Variants in TMEM9 observed in about 807,000 individuals in gnomAD.
TMEM9 encodes the protein transmembrane protein 9, also known as proton-transporting V-type ATPase complex assembly regulator TMEM9.
TMEM9 carries 13 observed loss-of-function variants against 22.8 expected under a neutral mutation model. The ratio of observed to expected loss-of-function variants is 0.57; its 90% CI spans 0.37 to 0.91. The LOEUF is 0.91. Ranked by LOEUF, TMEM9 falls within the 40% of genes least tolerant of loss-of-function variation. TMEM9 has a pLI of 0.01. For missense variants in TMEM9, 182 were observed against 238.1 expected (o/e 0.76, Z 1.55); for synonymous variants, 88 against 93.0 (o/e 0.95, Z 0.31).
intron 1 of TMEM9, among the ~76,000 whole-genome samples, chr1:201,169,411 C>T (rs1413400452): frequency 6.6e-6 from 1 of 152,226 alleles, no homozygotes; most frequent in East Asian, 1.9e-4. Flanking sequence ...TGGTGATCCA[C>T]CCACTCTGCA....
At chr1:201,149,266 T>C (rs1665234617) in intron 2 of TMEM9, among the ~76,000 whole-genome samples, 1 of 152,188 alleles carries the variant, frequency 6.6e-6, no homozygotes, top group African/African-American at 2.4e-5. Flanking sequence ...ACTTGGTCAG[T>C]GTCTTTCAAA....
chr1:201,146,750 G>C lies in TMEM9; in HGVS notation c.257C>G (p.Thr86Ser), dbSNP rs1398419126. Residue 86 changes from threonine (T) to serine (S), a missense_variant, in exon 3 of 5, where the codon ACC (threonine) becomes AGC (serine). Physicochemically the swap from Thr to Ser is moderately conservative, Grantham distance 58. Coordinates refer to ENST00000367330, the MANE Select transcript of TMEM9 (RefSeq NM_001288565.2). Reference sequence around the variant, plus strand: ...AGACCCTGGCGTTACCTTGATGGTGGTGGTGCTGCGCTCCTCGTACCTGCA... The same window carrying C: ...AGACCCTGGCGTTACCTTGATGGTGCTGGTGCTGCGCTCCTCGTACCTGCA... Reference protein sequence around the residue: ...CECRYEERSTTTIKVIIVIYL... With the variant: ...CECRYEERSTSTIKVIIVIYL... 6.2e-7 allele frequency: 1 copy of C among 1,614,210 alleles called. No individual in the cohort carries two copies. The highest frequency in any genetic ancestry group is 1.7e-5 in the Admixed American group (1 of 60,038).
Position 201,134,985 on chromosome 1 carries a change from G to A in TMEM9, c.*678C>T, listed in dbSNP as rs1663840827. 1 of 152,792 alleles carries A rather than the reference G, an allele frequency of 6.5e-6. No homozygotes were observed. The highest frequency in any genetic ancestry group is 1.5e-5 in the Non-Finnish European group (1 of 68,096). The allele number at this position is 152,792 out of a possible 1,614,324, so 9.5% of individuals were successfully genotyped here. On this transcript the variant is annotated 3_prime_UTR_variant, in exon 5 of 5. Coordinates refer to ENST00000367330, the MANE Select transcript of TMEM9 (RefSeq NM_001288565.2). ...TCAGTGACTGTGGACACTGGGGAGA[G>A]GAGGGACTGCCCAGACCCCTCAAGT... is the stretch of plus-strand genomic sequence containing the variant.
upstream of TMEM9, chr1:201,154,537 C>T (rs1340053074): frequency 6.6e-6 from 1 of 152,332 alleles, no homozygotes; most frequent in East Asian, 1.9e-4. Context: ...CCCGACCGCG[C>T]TGTCGCCATG....
chr1:201,168,124 C>G (rs1558123000), intron 1 of TMEM9, among the ~76,000 whole-genome samples: 1 of 152,172 alleles, frequency 6.6e-6, no homozygotes, highest in African/African-American at 2.4e-5. Context: ...AAATAATATT[C>G]CATTGTATGA....
At chr1:201,155,034 C>A (rs943711035), upstream of TMEM9, among the ~76,000 whole-genome samples, 1 of 152,112 alleles carries the variant, frequency 6.6e-6, no homozygotes, top group Admixed American at 6.5e-5. Context: ...CTGGGCCTGG[C>A]AAAATGGGGC....
intron 4 of TMEM9, among the ~76,000 whole-genome samples, chr1:201,142,918 C>T (rs1255260263): frequency 6.6e-6 from 1 of 152,264 alleles, no homozygotes; most frequent in African/African-American, 2.4e-5. Context: ...GTGCAGGGCT[C>T]ATCACAACTC....
intron 1 of TMEM9, among the ~76,000 whole-genome samples, chr1:201,165,511 G>A (rs1452083273): frequency 1.3e-5 from 2 of 150,742 alleles, no homozygotes; most frequent in African/African-American, 2.4e-5. Context: ...ATCTTGACTC[G>A]CTACAACCTC....
rs777623505 is a variant in TMEM9 at position 201,153,813 on chromosome 1, G to A, written c.66+45C>T. Reference sequence around the variant, plus strand: ...AGTCAGCCCTGTAGACAGGGTGGCCGTGCACTGTGGTCGTGACCAGGTGCT... The same window carrying A: ...AGTCAGCCCTGTAGACAGGGTGGCCATGCACTGTGGTCGTGACCAGGTGCT... On this transcript the variant is annotated intron_variant, in intron 1 of 4. Coordinates refer to ENST00000367330, the MANE Select transcript of TMEM9 (RefSeq NM_001288565.2). The A allele has an allele frequency of 1.1e-4, 179 of 1,611,536 alleles. 1 individual carries two copies. The highest frequency in any genetic ancestry group is 1.4e-4 in the Non-Finnish European group (168 of 1,179,030).
At chr1:201,162,198 G>A (rs1665963353) in intron 1 of TMEM9, among the ~76,000 whole-genome samples, 1 of 150,418 alleles carries the variant, frequency 6.6e-6, no homozygotes, top group African/African-American at 2.4e-5. Flanking sequence ...TCCTGAGACA[G>A]GGTCTCTGTG....
intron 3 of TMEM9, chr1:201,144,189 C>T (rs919227816): frequency 1.3e-5 from 6 of 459,036 alleles, no homozygotes; most frequent in African/African-American, 7.8e-5. Context: ...GCAGGCATCA[C>T]GACAGCAGGC....
chr1:201,167,530 A>C (rs999062509), intron 1 of TMEM9, among the ~76,000 whole-genome samples: 3 of 152,206 alleles, frequency 2.0e-5, no homozygotes, highest in Non-Finnish European at 2.9e-5. Flanking sequence ...TGCAGGAGTC[A>C]CTGGGGAAGT....
At chr1:201,143,767 C>G (rs1664729871) in intron 4 of TMEM9, 53 bp downstream of exon 4, 1 of 1,601,386 alleles carries the variant, frequency 6.2e-7, no homozygotes. Context: ...TGGGTTTTGC[C>G]CTGGGGACGC....
intron 3 of TMEM9, chr1:201,144,600 G>C (rs1355496407): frequency 6.7e-6 from 1 of 149,244 alleles, no homozygotes; most frequent in Non-Finnish European, 1.5e-5. Context: ...TGCTTCACAA[G>C]CTGGAGTCAT....
At chr1:201,142,089 G>A (rs977219930) in intron 4 of TMEM9, among the ~76,000 whole-genome samples, 4 of 152,136 alleles carry the variant, frequency 2.6e-5, no homozygotes, top group Non-Finnish European at 5.9e-5. Context: ...GTTTCCTCTT[G>A]AACACAGACC....
chr1:201,139,857 A>AC (rs1264535162), intron 4 of TMEM9, among the ~76,000 whole-genome samples: 2 of 150,276 alleles, frequency 1.3e-5, no homozygotes, highest in African/African-American at 4.9e-5. Flanking sequence ...AGCACCAAGG[A>AC]TAGTAAATGG....
At chr1:201,153,826 G>C (rs372475573) in intron 1 of TMEM9, 32 bp downstream of exon 1, 1 of 1,613,470 alleles carries the variant, frequency 6.2e-7, no homozygotes, top group African/African-American at 1.3e-5. Flanking sequence ...CACTGTGGTC[G>C]TGACCAGGTG....
At chr1:201,142,903 G>C (rs1227637763) in intron 4 of TMEM9, among the ~76,000 whole-genome samples, 1 of 152,256 alleles carries the variant, frequency 6.6e-6, no homozygotes, top group African/African-American at 2.4e-5. Context: ...TAGACCACCT[G>C]GGGAGTGCAG....
At chr1:201,155,382 G>A (rs1364926934), upstream of TMEM9, among the ~76,000 whole-genome samples, 2 of 152,198 alleles carry the variant, frequency 1.3e-5, no homozygotes, top group East Asian at 3.8e-4. Flanking sequence ...TTGGTGGCTG[G>A]ATTAGCATAG....
Sources: allele counts gnomAD v4.1 joint callset (sites outside exome capture counted in the v4.1 genomes callset), GRCh38; gene constraint gnomAD v4.1.1; transcripts MANE v1.5; gene names NCBI Gene and HGNC (gene_info 2026-07-23, HGNC 2026-07-21).